Variants in FBXO25 observed in about 807,000 individuals in gnomAD.
The protein encoded by FBXO25 is F-box only protein 25.
Under a neutral mutation model 51.9 loss-of-function variants are expected in FBXO25, and 45 were observed. That is an observed-to-expected ratio of 0.87 (90% CI 0.68 to 1.11). The LOEUF (loss-of-function observed/expected upper bound fraction) is 1.11, where lower values mean the gene tolerates loss of function less well. Ranked by LOEUF, FBXO25 falls within the 50% of genes most tolerant of loss-of-function variation. The pLI, the probability that FBXO25 is intolerant of heterozygous loss-of-function variation, is 0.00. For synonymous variants in FBXO25, 199 were observed against 151.0 expected (o/e 1.32, Z -2.33); for missense variants, 507 against 428.5 (o/e 1.18, Z -1.62).
At position 450,053 on chromosome 8, in the gene FBXO25, T is replaced by G; in HGVS notation, c.445T>G (p.Phe149Val). ...SLSGVAQKNY[F>V]NILDKIVQKV... ...GAGTGGCGTGGCACAGAAGAATTACTTCAACATTTTGGATAAAATCGTTCA... is the reference window on the plus strand; with the variant it reads ...GAGTGGCGTGGCACAGAAGAATTACGTCAACATTTTGGATAAAATCGTTCA... Residue 149 changes from phenylalanine to valine, a missense_variant, in exon 6 of 10, where the codon TTC becomes GTC. Physicochemically the swap from Phe to Val is conservative, Grantham distance 50. Coordinates refer to ENST00000350302, the MANE Select transcript of FBXO25 (RefSeq NM_183420.2). 1 of 1,613,322 alleles carries G rather than the reference T, an allele frequency of 6.2e-7. No homozygotes were observed. The highest frequency in any genetic ancestry group is 8.5e-7 in the Non-Finnish European group (1 of 1,179,690).
chr8:415,217 C>G (rs1796724020), intron 2 of FBXO25, among the ~76,000 whole-genome samples: 1 of 152,144 alleles, frequency 6.6e-6, no homozygotes, highest in Admixed American at 6.5e-5. Flanking sequence ...AATCAAGATT[C>G]TACGTAACTT....
chr8:422,833 A>AT (rs1304752527), intron 2 of FBXO25, among the ~76,000 whole-genome samples: 1 of 152,096 alleles, frequency 6.6e-6, no homozygotes, highest in African/African-American at 2.4e-5. Context: ...CTCCCTGGTG[A>AT]TTGACTTAAT....
At chr8:421,888 G>T (rs1213532855) in intron 2 of FBXO25, among the ~76,000 whole-genome samples, 1 of 152,164 alleles carries the variant, frequency 6.6e-6, no homozygotes, top group East Asian at 1.9e-4. Context: ...TGAGCCACAG[G>T]ATAGACAACA....
At position 473,771 on chromosome 8, in the gene FBXO25, G is replaced by A. The variant is rs978400996; in HGVS notation, c.*4967G>A. 7.9e-5 allele frequency: 12 copies of A among 152,130 alleles called. No homozygotes were observed. Among genetic ancestry groups the A allele is most frequent in the African/African-American group, 2.7e-4 (11 of 41,492 alleles). 9.4% of individuals were successfully genotyped at this position (152,130 alleles called of 1,614,324 possible). On this transcript the variant is annotated 3_prime_UTR_variant, in exon 10 of 10. Transcript: ENST00000350302. Reference sequence around the variant, plus strand: ...AGTAAGGGAGAGCAAAAAAAATGAGGACATCTGTGTCAAATAGAAGAGACA... The same window carrying A: ...AGTAAGGGAGAGCAAAAAAAATGAGAACATCTGTGTCAAATAGAAGAGACA...
chr8:432,398 G>A (rs56259539), intron 3 of FBXO25, among the ~76,000 whole-genome samples: 15,618 of 152,186 alleles, frequency 0.1, 995 homozygotes, highest in African/African-American at 0.18. Flanking sequence ...AAACCTGACT[G>A]TGGGTAATTG....
Position 438,098 on chromosome 8 carries a change from A to T in FBXO25, c.381+2391A>T, listed in dbSNP as rs189560624. On this transcript the variant is annotated intron_variant, in intron 5 of 9. Coordinates refer to ENST00000350302, the MANE Select transcript of FBXO25 (RefSeq NM_183420.2). ...TAGATGGAGTCTCACTCTGTTGCCC[A>T]GGGTGGAGTGCAGTGGCACGATCTC... 9.1e-4 allele frequency among the ~76,000 whole-genome samples: 137 copies of T among 151,036 alleles called. 4 individuals carry two copies. In the East Asian group the frequency reaches 0.024, roughly 27 times the overall value.
intron 4 of FBXO25, among the ~76,000 whole-genome samples, chr8:434,033 A>C (rs369693664): frequency 1.3e-5 from 2 of 152,228 alleles, no homozygotes; most frequent in South Asian, 4.1e-4. Context: ...GATCCCATCC[A>C]AGCTAGCATA....
At chr8:413,405 TC>T (rs1410665369) in intron 2 of FBXO25, among the ~76,000 whole-genome samples, 192 bp downstream of exon 2, 5 of 151,972 alleles carry the variant, frequency 3.3e-5, no homozygotes. Context: ...GATGCTTTCG[TC>T]TTTTTTTTTT....
At chr8:462,320 A>T (rs2116821168) in intron 8 of FBXO25, among the ~76,000 whole-genome samples, 1 of 152,284 alleles carries the variant, frequency 6.6e-6, no homozygotes, top group African/African-American at 2.4e-5. Context: ...CCATTTTTTA[A>T]ACTGGGTTAT....
Position 422,415 on chromosome 8 carries a change from C to T in FBXO25, c.135-8926C>T, listed in dbSNP as rs183619844. ...AGGTGATGAGAGGAGACTACAAACT[C>T]TTCTGGCATGGGGGGCCATGGTAGT... On this transcript the variant is annotated intron_variant, in intron 2 of 9. Transcript: ENST00000350302. Among the ~76,000 whole-genome samples, 45 of 152,328 alleles carry T rather than the reference C, an allele frequency of 3.0e-4. 1 individual carries two copies. The highest frequency in any genetic ancestry group is 6.8e-3 in the Middle Eastern group (2 of 294).
At position 463,296 on chromosome 8, in the gene FBXO25, G is replaced by T. The variant is rs1278855467; in HGVS notation, c.987+146G>T. 4.4e-6 allele frequency: 4 copies of T among 916,332 alleles called. No individual in the cohort carries two copies. The African/African-American group carries it at 6.9e-5, about 16-fold the overall frequency. 56.8% of individuals were successfully genotyped at this position (916,332 alleles called of 1,614,324 possible). On this transcript the variant is annotated intron_variant, in intron 9 of 9. Transcript: ENST00000350302. ...GGAGATATATTTTACCAAATATTGG[G>T]GTAGGGGAACAGATGTTCATTCAAT...
intron 8 of FBXO25, 29 bp from the exon 9 acceptor site, chr8:462,978 G>T: frequency 6.3e-7 from 1 of 1,587,110 alleles, no homozygotes; most frequent in African/African-American, 1.4e-5. Flanking sequence ...CATCTTATGC[G>T]GATTCTGAAT....
At chr8:468,294 G>T (rs533596739) in intron 9 of FBXO25, 1 of 1,015,072 alleles carries the variant, frequency 9.9e-7, no homozygotes, top group East Asian at 1.0e-4. Flanking sequence ...GATGAATGGC[G>T]GGTGGAGGGA....
intron 7 of FBXO25, among the ~76,000 whole-genome samples, chr8:452,175 C>T (rs947374748): frequency 1.3e-5 from 2 of 152,142 alleles, no homozygotes; most frequent in African/African-American, 4.8e-5. Context: ...TTCAAGTGCC[C>T]TTTGAATGCC....
intron 2 of FBXO25, among the ~76,000 whole-genome samples, chr8:419,512 G>T (rs964776016): frequency 6.6e-6 from 1 of 152,150 alleles, no homozygotes; most frequent in East Asian, 1.9e-4. Context: ...AGATATGGTC[G>T]GTTTGTTTTT....
intron 2 of FBXO25, among the ~76,000 whole-genome samples, chr8:413,824 C>G (rs1230680742): frequency 1.3e-5 from 2 of 152,200 alleles, no homozygotes; most frequent in Non-Finnish European, 2.9e-5. Flanking sequence ...GGCTAGAGCA[C>G]TAGCGCAAGG....
chr8:462,169 C>G (rs1450647054), intron 8 of FBXO25, among the ~76,000 whole-genome samples: 1 of 152,148 alleles, frequency 6.6e-6, no homozygotes, highest in African/African-American at 2.4e-5. Context: ...CATTATTTCA[C>G]TTTTTGATTA....
rs1800283637 is a variant in FBXO25, at chr8:467,881, A to G, written c.988-834A>G. On this transcript the variant is annotated intron_variant, in intron 9 of 9. Coordinates refer to ENST00000350302, the MANE Select transcript of FBXO25 (RefSeq NM_183420.2). Reference sequence around the variant, plus strand: ...TGACTTGAGCTTTCTCAGGACCCTGAGCAGGGCTGAGTGGCCACTTTGATC... The same window carrying G: ...TGACTTGAGCTTTCTCAGGACCCTGGGCAGGGCTGAGTGGCCACTTTGATC... The G allele has an allele frequency of 1.9e-6, 3 of 1,552,320 alleles. No homozygotes were observed. The African/African-American group carries it at 4.1e-5, about 21-fold the overall frequency.
chr8:441,151 C>A (rs1221289196), intron 5 of FBXO25, among the ~76,000 whole-genome samples: 1 of 151,774 alleles, frequency 6.6e-6, no homozygotes, highest in Non-Finnish European at 1.5e-5. Context: ...CAGCATGATA[C>A]TGGTACCAAA....
Sources: gnomAD v4.1 joint callset for allele counts (sites outside exome capture counted in the v4.1 genomes callset) on GRCh38, gnomAD v4.1.1 for gene constraint, MANE v1.5 for transcripts, NCBI Gene and HGNC (gene_info 2026-07-23, HGNC 2026-07-21) for gene names.